UBE2L6: variants seen among roughly 807,000 people sequenced by gnomAD.
UBE2L6 encodes ubiquitin conjugating enzyme E2 L6.
A neutral mutation model predicts 13.6 loss-of-function variants in UBE2L6; 11 were observed. The ratio of observed to expected loss-of-function variants is 0.81; its 90% CI spans 0.51 to 1.34. UBE2L6 has a LOEUF of 1.34. Among genes scored for constraint, UBE2L6 ranks in the 40% most tolerant of loss-of-function variants. The probability of loss-of-function intolerance (pLI) is 0.00; values close to 1 mark genes in which losing one functional copy is unlikely to be tolerated. For synonymous variants in UBE2L6, 74 were observed against 83.2 expected, an observed-to-expected ratio of 0.89 and a Z score of 0.60; for missense variants, 197 against 199.5, an observed-to-expected ratio of 0.99 and a Z score of 0.07.
rs1344306513 is a variant in UBE2L6 at position 57,552,284 on chromosome 11, G to T, written c.*74C>A. 5 of 1,564,188 alleles carry T rather than the reference G, an allele frequency of 3.2e-6. No homozygotes were observed. The Admixed American group carries it at 7.0e-5, about 22-fold the overall frequency. On this transcript the variant is annotated 3_prime_UTR_variant, in exon 4 of 4. Transcript: ENST00000287156. ...ATGAATGGGGAATGGGCCACAGGGG[G>T]CTCTGGCCTCAGTCCATGAGGTGTG...
intron 1 of UBE2L6, among the ~76,000 whole-genome samples, chr11:57,563,812 G>A (rs1239124575): frequency 2.0e-5 from 3 of 151,804 alleles, no homozygotes; most frequent in African/African-American, 4.8e-5. Flanking sequence ...TGAGGCAGGA[G>A]AATGGTATGA....
At chr11:57,567,205 T>C (rs61886733) in intron 1 of UBE2L6, 39,045 of 454,060 alleles carry the variant, frequency 0.086, 1,870 homozygotes, top group African/African-American at 0.14. Flanking sequence ...GTCATCTGTG[T>C]TCATAACCCA....
chr11:57,560,239 C>CA (rs1461095922), intron 2 of UBE2L6, 98 bp downstream of exon 2: 1 of 923,010 alleles, frequency 1.1e-6, no homozygotes, highest in Non-Finnish European at 1.8e-6. Flanking sequence ...AAAAGGATCT[C>CA]AAGCAGGGAA....
At chr11:57,556,626 G>C (rs1944999829) in intron 2 of UBE2L6, among the ~76,000 whole-genome samples, 1 of 143,550 alleles carries the variant, frequency 7.0e-6, no homozygotes, top group South Asian at 2.2e-4. Flanking sequence ...GAGAGATGGA[G>C]TAAAAAAAAG....
chr11:57,565,938 A>G (rs772840030), intron 1 of UBE2L6, among the ~76,000 whole-genome samples: 1 of 133,908 alleles, frequency 7.5e-6, no homozygotes, highest in Non-Finnish European at 1.6e-5. Flanking sequence ...CCCCCAACAT[A>G]TAATATAAAC....
rs61546978 is a variant in UBE2L6, at chr11:57,566,198, T to C, written c.27+1387A>G. On this transcript the variant is annotated intron_variant, in intron 1 of 3. Coordinates refer to ENST00000287156, the MANE Select transcript of UBE2L6 (RefSeq NM_004223.5). ...TGGAAAGATAAAGACACTTGAACTT[T>C]ATCTGTTTAGGATGAGTTCTGCCAG... 5.3e-3 allele frequency among the ~76,000 whole-genome samples: 809 copies of C among 152,352 alleles called. 6 individuals are homozygous for C. Among genetic ancestry groups the C allele is most frequent in the African/African-American group, 0.019 (773 of 41,580 alleles).
At chr11:57,560,247 G>A in intron 2 of UBE2L6, 90 bp downstream of exon 2, 1 of 1,004,526 alleles carries the variant, frequency 1.0e-6, no homozygotes, top group Non-Finnish European at 1.6e-6. Context: ...CTCAAGCAGG[G>A]AAAATTCTTG....
intron 2 of UBE2L6, among the ~76,000 whole-genome samples, chr11:57,555,766 G>T (rs1438258819): frequency 6.6e-6 from 1 of 152,070 alleles, no homozygotes; most frequent in African/African-American, 2.4e-5. Flanking sequence ...TTTTGATAGG[G>T]TCTCACTGTG....
Position 57,554,504 on chromosome 11 carries a change from C to T in UBE2L6, c.243G>A (p.Glu81=), listed in dbSNP as rs760781714. ...TTKIYHPNVD[E]NGQICLPIIS... is the part of the protein sequence containing the mutation. ...TGATGGGCAGGCAAATCTGTCCGTTCTCGTCCACGTTGGGGTGGTAGATCT... is the reference window on the plus strand; with the variant it reads ...TGATGGGCAGGCAAATCTGTCCGTTTTCGTCCACGTTGGGGTGGTAGATCT... The change falls in exon 3 of 4, where the codon GAG becomes GAA. Residue 81 remains glutamate (E), a synonymous_variant. Coordinates refer to ENST00000287156, the MANE Select transcript of UBE2L6 (RefSeq NM_004223.5). 2.5e-6 allele frequency: 4 copies of T among 1,614,040 alleles called. No individual in the cohort carries two copies. The East Asian group carries it at 8.9e-5, about 36-fold the overall frequency.
intron 1 of UBE2L6, among the ~76,000 whole-genome samples, chr11:57,561,664 T>C (rs1198351526): frequency 1.3e-5 from 2 of 151,976 alleles, no homozygotes; most frequent in Non-Finnish European, 2.9e-5. Context: ...AGGAAAAGGG[T>C]TCCAAGGTCA....
At chr11:57,563,054 G>C (rs1945059125) in intron 1 of UBE2L6, among the ~76,000 whole-genome samples, 1 of 152,116 alleles carries the variant, frequency 6.6e-6, no homozygotes, top group Non-Finnish European at 1.5e-5. Context: ...CTTTCAGACA[G>C]AGAAATCAAA....
intron 3 of UBE2L6, among the ~76,000 whole-genome samples, chr11:57,554,124 G>A (rs1194106707): frequency 6.6e-6 from 1 of 152,134 alleles, no homozygotes. Context: ...AGAAAGGAAC[G>A]AAAACTTGCC....
chr11:57,564,252 CA>C (rs1945068652), intron 1 of UBE2L6, among the ~76,000 whole-genome samples: 1 of 152,156 alleles, frequency 6.6e-6, no homozygotes, highest in Admixed American at 6.5e-5. Flanking sequence ...ATATGTCCAG[CA>C]GCGACTTTTC....
At chr11:57,556,469 C>T (rs1319429848) in intron 2 of UBE2L6, among the ~76,000 whole-genome samples, 4 of 151,288 alleles carry the variant, frequency 2.6e-5, no homozygotes, top group Admixed American at 6.6e-5. Flanking sequence ...CTGTAATATC[C>T]GCTACACGGG....
chr11:57,561,356 C>T (rs1468399412), intron 1 of UBE2L6, among the ~76,000 whole-genome samples: 1 of 152,200 alleles, frequency 6.6e-6, no homozygotes, highest in East Asian at 1.9e-4. Flanking sequence ...TGAATTCTCC[C>T]AACAGCCATT....
chr11:57,552,577 A>G (rs1366297291), intron 3 of UBE2L6, 68 bp from the exon 4 acceptor site: 5 of 1,577,610 alleles, frequency 3.2e-6, no homozygotes, highest in African/African-American at 1.3e-5. Flanking sequence ...CCCGTTCCCA[A>G]TGTCCTGACA....
At chr11:57,556,308 G>A (rs1426758567) in intron 2 of UBE2L6, among the ~76,000 whole-genome samples, 1 of 152,134 alleles carries the variant, frequency 6.6e-6, no homozygotes, top group Non-Finnish European at 1.5e-5. Context: ...AACTAGGCCG[G>A]GCACGATGGC....
intron 2 of UBE2L6, among the ~76,000 whole-genome samples, chr11:57,556,639 G>A (rs1944999975): frequency 6.8e-6 from 1 of 147,504 alleles, no homozygotes; most frequent in Non-Finnish European, 1.5e-5. Context: ...AAAAAAAGTA[G>A]GAAGATAAAG....
chr11:57,552,789 T>C (rs980155682), intron 3 of UBE2L6, among the ~76,000 whole-genome samples: 4 of 152,188 alleles, frequency 2.6e-5, no homozygotes, highest in Admixed American at 2.6e-4. Flanking sequence ...CTGGGTCTTA[T>C]CCCCATTTCA....
Sources: gnomAD v4.1 joint callset for allele counts (sites outside exome capture counted in the v4.1 genomes callset) on GRCh38, gnomAD v4.1.1 for gene constraint, MANE v1.5 for transcripts, NCBI Gene and HGNC (gene_info 2026-07-23, HGNC 2026-07-21) for gene names.